Variants in C8orf34 observed in about 807,000 individuals in gnomAD.
C8orf34 encodes chromosome 8 open reading frame 34, also known as uncharacterized protein C8orf34.
In C8orf34, 65 loss-of-function variants were observed where a neutral mutation model predicts 68.3. The ratio of observed to expected loss-of-function variants is 0.95; its 90% CI spans 0.78 to 1.17. The LOEUF is 1.17. C8orf34 is among the 50% of genes most tolerant of loss of function. The pLI is 0.00. For synonymous variants in C8orf34, 244 were observed against 241.2 expected, an observed-to-expected ratio of 1.01 and a Z score of -0.11; for missense variants, 664 against 655.4, an observed-to-expected ratio of 1.01 and a Z score of -0.14.
At chr8:68,505,059 C>T (rs1426229170) in intron 5 of C8orf34, among the ~76,000 whole-genome samples, 2 of 152,084 alleles carry the variant, frequency 1.3e-5, no homozygotes, top group Non-Finnish European at 2.9e-5. Context: ...AGGTGATCTG[C>T]CTGCCTTGGC....
intron 8 of C8orf34, chr8:68,695,603 G>A (rs927171074): frequency 6.6e-6 from 1 of 152,064 alleles, no homozygotes; most frequent in Admixed American, 6.6e-5. Context: ...TTGGAAAACA[G>A]GTACAGATTT....
At chr8:68,411,586 ATACTGTG>A (rs1311363309) in intron 1 of C8orf34, among the ~76,000 whole-genome samples, 2 of 152,212 alleles carry the variant, frequency 1.3e-5, no homozygotes, top group Non-Finnish European at 2.9e-5. Context: ...TACTAAGCAG[ATACTGTG>A]TTTTTATCAA....
At chr8:68,492,497 T>C (rs368838962) in intron 5 of C8orf34, among the ~76,000 whole-genome samples, 123 of 152,134 alleles carry the variant, frequency 8.1e-4, no homozygotes, top group Non-Finnish European at 1.2e-3. Flanking sequence ...CCAAGGGATT[T>C]TGTGCATGAG....
Position 68,430,906 on chromosome 8 carries a change from A to G in C8orf34, c.328-8593A>G, listed in dbSNP as rs60105933. 1.2e-3 allele frequency among the ~76,000 whole-genome samples: 189 copies of G among 152,300 alleles called. 1 individual carries two copies. Among genetic ancestry groups the G allele is most frequent in the African/African-American group, 4.4e-3 (184 of 41,560 alleles). On this transcript the variant is annotated intron_variant, in intron 1 of 13. Coordinates refer to ENST00000518698, the MANE Select transcript of C8orf34 (RefSeq NM_052958.4). ...TTTCCTTATAGGAAACAAAATAGGA[A>G]GACACATTGCTATGAAATCTAGTTC...
At chr8:68,433,114 T>G (rs1265505525) in intron 1 of C8orf34, among the ~76,000 whole-genome samples, 1 of 152,200 alleles carries the variant, frequency 6.6e-6, no homozygotes, top group Non-Finnish European at 1.5e-5. Flanking sequence ...CCTGCTTATT[T>G]ATGAAATACT....
chr8:68,737,804 C>A (rs778431820), intron 10 of C8orf34, among the ~76,000 whole-genome samples: 1 of 152,050 alleles, frequency 6.6e-6, no homozygotes, highest in Non-Finnish European at 1.5e-5. Context: ...GCAACTTAGA[C>A]TTCCACACAA....
chr8:68,724,594 G>A (rs928151348), intron 10 of C8orf34, among the ~76,000 whole-genome samples: 8 of 152,104 alleles, frequency 5.3e-5, no homozygotes, highest in Non-Finnish European at 8.8e-5. Context: ...TAAGCAAGTC[G>A]TTCTTCTGGA....
intron 9 of C8orf34, among the ~76,000 whole-genome samples, chr8:68,715,410 G>T (rs542050339): frequency 6.6e-6 from 1 of 151,794 alleles, no homozygotes; most frequent in South Asian, 2.1e-4. Context: ...ATAATACAAA[G>T]AACTCAAATC....
At chr8:68,732,227 A>G (rs1821998407) in intron 10 of C8orf34, among the ~76,000 whole-genome samples, 1 of 152,224 alleles carries the variant, frequency 6.6e-6, no homozygotes, top group Non-Finnish European at 1.5e-5. Flanking sequence ...AGGCATATTT[A>G]CCAGGAATCT....
At chr8:68,481,294 A>G (rs538638504) in intron 4 of C8orf34, among the ~76,000 whole-genome samples, 2 of 152,356 alleles carry the variant, frequency 1.3e-5, no homozygotes, top group South Asian at 2.1e-4. Context: ...TAGAGGATGC[A>G]TGGAAATGCC....
intron 2 of C8orf34, among the ~76,000 whole-genome samples, chr8:68,444,581 C>G (rs930121657): frequency 6.6e-6 from 1 of 152,022 alleles, no homozygotes. Context: ...TGTTCTCTCT[C>G]CATATAGCTT....
chr8:68,413,488 A>G (rs1394005764), intron 1 of C8orf34, among the ~76,000 whole-genome samples: 1 of 152,216 alleles, frequency 6.6e-6, no homozygotes, highest in Non-Finnish European at 1.5e-5. Flanking sequence ...TAATTACTGT[A>G]GGCACTTTAT....
At chr8:68,460,633 A>G (rs1811769743) in intron 3 of C8orf34, among the ~76,000 whole-genome samples, 1 of 152,214 alleles carries the variant, frequency 6.6e-6, no homozygotes, top group African/African-American at 2.4e-5. Context: ...TTTGCAGTTC[A>G]TGAAAATCCG....
intron 10 of C8orf34, among the ~76,000 whole-genome samples, chr8:68,724,574 C>T (rs905732920): frequency 2.6e-4 from 40 of 152,114 alleles, no homozygotes; most frequent in African/African-American, 9.4e-4. Flanking sequence ...AAGTTTTATC[C>T]TCCTCCAAAT....
chr8:68,460,500 C>T (rs1485829116), intron 3 of C8orf34, among the ~76,000 whole-genome samples: 1 of 152,190 alleles, frequency 6.6e-6, no homozygotes, highest in Non-Finnish European at 1.5e-5. Flanking sequence ...CAAGTGGGTC[C>T]CTGACCCCTG....
chr8:68,631,251 G>A (rs1232895272), intron 7 of C8orf34, among the ~76,000 whole-genome samples: 2 of 151,808 alleles, frequency 1.3e-5, no homozygotes, highest in South Asian at 2.1e-4. Context: ...AAGAGAGCAA[G>A]ACTCTATCTC....
chr8:68,546,971 T>G (rs576767740), intron 7 of C8orf34, among the ~76,000 whole-genome samples: 23 of 151,864 alleles, frequency 1.5e-4, no homozygotes, highest in Admixed American at 1.4e-3. Flanking sequence ...CAAGAAAGTT[T>G]TAAAATTATT....
chr8:68,457,722 G>C (rs535669415), intron 3 of C8orf34, among the ~76,000 whole-genome samples: 1 of 152,116 alleles, frequency 6.6e-6, no homozygotes, highest in East Asian at 1.9e-4. Context: ...AGGTGCTGTG[G>C]GTACCTTGCA....
At chr8:68,753,600 GCA>G (rs1438009550) in intron 10 of C8orf34, among the ~76,000 whole-genome samples, 2 of 152,142 alleles carry the variant, frequency 1.3e-5, no homozygotes, top group East Asian at 3.9e-4. Flanking sequence ...AGTTAATGTA[GCA>G]CAGTATCTCC....
Sources: gnomAD v4.1 joint callset for allele counts (sites outside exome capture counted in the v4.1 genomes callset) on GRCh38, gnomAD v4.1.1 for gene constraint, MANE v1.5 for transcripts, NCBI Gene and HGNC (gene_info 2026-07-23, HGNC 2026-07-21) for gene names.